CTXN2: variants seen among roughly 807,000 people sequenced by gnomAD.
CTXN2 encodes cortexin-2.
Under a neutral mutation model 5.7 loss-of-function variants are expected in CTXN2, and 3 were observed. The ratio of observed to expected loss-of-function variants is 0.53; its 90% confidence interval spans 0.24 to 1.36. The LOEUF (loss-of-function observed/expected upper bound fraction) is 1.36, where lower values mean the gene tolerates loss of function less well. Ranked by LOEUF, CTXN2 falls within the 40% of genes most tolerant of loss-of-function variation. CTXN2 has a pLI of 0.17. For synonymous variants in CTXN2, 38 were observed against 36.4 expected, an observed-to-expected ratio of 1.04 and a Z score of -0.16; for missense variants, 87 against 93.0, an observed-to-expected ratio of 0.94 and a Z score of 0.26.
Position 48,195,506 on chromosome 15 carries a change from C to T in CTXN2, c.-58+3653C>T, listed in dbSNP as rs186057830. 2.6e-5 allele frequency among the ~76,000 whole-genome samples: 4 copies of T among 152,246 alleles called. No homozygotes were observed. In the South Asian group the frequency reaches 6.2e-4, roughly 24 times the overall value. On this transcript the variant is annotated intron_variant, in intron 1 of 1. Coordinates refer to ENST00000417307, the MANE Select transcript of CTXN2 (RefSeq NM_001145668.2). The stretch of plus-strand genomic sequence containing the variant: ...ATTTGGCTCCAACCTACCTTTCCAA[C>T]GCTTTGTTTCCCATACTCCCCCTTG...
chr15:48,201,602 A>C lies in CTXN2; in HGVS notation c.*56A>C. The C allele has an allele frequency of 6.6e-7, 1 of 1,526,012 alleles. No individual in the cohort carries two copies. Among genetic ancestry groups the C allele is most frequent in the South Asian group, 1.2e-5 (1 of 81,698 alleles). 94.5% of individuals were successfully genotyped at this position (1,526,012 alleles called of 1,614,324 possible). On this transcript the variant is annotated 3_prime_UTR_variant, in exon 2 of 2. Coordinates refer to ENST00000417307, the MANE Select transcript of CTXN2 (RefSeq NM_001145668.2). Reference sequence around the variant, plus strand: ...GCCATCGGGACACATTCTGGATACAATTGTAACTACCTTGAGGGTGTGGGA... The same window carrying C: ...GCCATCGGGACACATTCTGGATACACTTGTAACTACCTTGAGGGTGTGGGA...
intron 1 of CTXN2, among the ~76,000 whole-genome samples, chr15:48,199,633 T>C (rs1028434737): frequency 6.6e-6 from 1 of 152,176 alleles, no homozygotes. Context: ...AAATTAGACA[T>C]TTAGTCAGCA....
chr15:48,194,164 C>T (rs911447077), intron 1 of CTXN2, among the ~76,000 whole-genome samples: 1 of 151,760 alleles, frequency 6.6e-6, no homozygotes, highest in Non-Finnish European at 1.5e-5. Context: ...AATATAAAAG[C>T]CTGTTTTCTC....
At chr15:48,185,652 GT>G (rs2140970363) in intron 1 of CTXN2, among the ~76,000 whole-genome samples, 1 of 152,288 alleles carries the variant, frequency 6.6e-6, no homozygotes, top group Admixed American at 6.5e-5. Flanking sequence ...ATTTGTTTGA[GT>G]TAGGAAAGAA....
In CTXN2 at chr15:48,191,751, C is replaced by T. The variant is rs1757127435; in HGVS notation, c.-160C>T. The T allele has an allele frequency of 2.2e-6, 1 of 455,928 alleles. No homozygotes were observed. Among genetic ancestry groups the T allele is most frequent in the African/African-American group, 2.0e-5 (1 of 50,046 alleles). 28.2% of individuals were successfully genotyped at this position (455,928 alleles called of 1,614,324 possible). ...GTGACTCTACGCAGGTTCCAGAACA[C>T]GCCTTCTACATTTGTTACTGAACCG... On this transcript the variant is annotated 5_prime_UTR_variant, in exon 1 of 2. The change creates a new upstream start codon in the 5' untranslated region. Transcript: ENST00000417307.
chr15:48,191,367 T>G (rs145143453), upstream of CTXN2: 110 of 182,796 alleles, frequency 6.0e-4, no homozygotes, highest in African/African-American at 2.5e-3. Context: ...AAGATAATGA[T>G]GAAATCTAAT....
At chr15:48,199,950 G>C (rs913570213) in intron 1 of CTXN2, among the ~76,000 whole-genome samples, 25 of 152,152 alleles carry the variant, frequency 1.6e-4, no homozygotes, top group African/African-American at 6.0e-4. Context: ...TTTGAGGATA[G>C]AGCTTTTTTG....
At chr15:48,195,816 A>G (rs1457226279) in intron 1 of CTXN2, among the ~76,000 whole-genome samples, 1 of 152,114 alleles carries the variant, frequency 6.6e-6, no homozygotes, top group Non-Finnish European at 1.5e-5. Context: ...AAATATGTAA[A>G]GCAGTATTTG....
intron 1 of CTXN2, among the ~76,000 whole-genome samples, chr15:48,199,881 AC>A (rs2040914010): frequency 6.6e-6 from 1 of 152,214 alleles, no homozygotes; most frequent in Non-Finnish European, 1.5e-5. Context: ...CCTTTACTAA[AC>A]AAAAAAATCA....
upstream of CTXN2, among the ~76,000 whole-genome samples, chr15:48,188,499 TAGTA>T (rs2040781447): frequency 6.6e-6 from 1 of 152,180 alleles, no homozygotes; most frequent in African/African-American, 2.4e-5. Flanking sequence ...ATATAAGAAA[TAGTA>T]AGTTATATGT....
upstream of CTXN2, among the ~76,000 whole-genome samples, chr15:48,190,485 A>T (rs1451370792): frequency 6.6e-6 from 1 of 152,196 alleles, no homozygotes; most frequent in Non-Finnish European, 1.5e-5. Context: ...ACTCTCAGTT[A>T]TACATTGCCC....
chr15:48,191,244 G>C (rs1355813481), upstream of CTXN2, among the ~76,000 whole-genome samples: 30 of 152,186 alleles, frequency 2.0e-4, 1 homozygote, highest in Non-Finnish European at 1.5e-5. Flanking sequence ...TACTGAAAAC[G>C]GCTGTCACCA....
intron 1 of CTXN2, chr15:48,192,496 T>C (rs2040833719): frequency 6.6e-6 from 1 of 152,420 alleles, no homozygotes; most frequent in Non-Finnish European, 1.5e-5. Flanking sequence ...TTCTTAATGA[T>C]TAACTACCTC....
chr15:48,181,502 T>C (rs2040701694), intron 1 of CTXN2, among the ~76,000 whole-genome samples: 1 of 152,250 alleles, frequency 6.6e-6, no homozygotes, highest in Non-Finnish European at 1.5e-5. Flanking sequence ...GGGCTGGGCT[T>C]ACTGCCCAGG....
chr15:48,193,604 A>C (rs1272154412), intron 1 of CTXN2, among the ~76,000 whole-genome samples: 5 of 152,052 alleles, frequency 3.3e-5, no homozygotes, highest in Non-Finnish European at 7.4e-5. Flanking sequence ...TAGGCATTAC[A>C]GTGTCTGTTG....
rs1260001548 is a variant in CTXN2, at chr15:48,201,714, AT to A, written c.*170del. On this transcript the variant is annotated 3_prime_UTR_variant, in exon 2 of 2. Coordinates refer to ENST00000417307, the MANE Select transcript of CTXN2 (RefSeq NM_001145668.2). ...GTGTAAATGATAAACTATTGTTGGG[AT>A]TCCTCACTTTCCTCTGTTCCCACTT... 7 of 710,462 alleles carry A rather than the reference AT, an allele frequency of 9.9e-6. No individual in the cohort carries two copies. Among genetic ancestry groups the A allele is most frequent in the Non-Finnish European group, 1.6e-5 (7 of 426,150 alleles). The allele number at this position is 710,462 out of a possible 1,614,324, so 44.0% of individuals were successfully genotyped here.
upstream of CTXN2, among the ~76,000 whole-genome samples, chr15:48,187,813 C>G (rs1027080789): frequency 1.3e-5 from 2 of 152,112 alleles, no homozygotes; most frequent in African/African-American, 2.4e-5. Flanking sequence ...CTTCCAATCT[C>G]TGAGATAACA....
At chr15:48,198,385 A>G (rs1162644331) in intron 1 of CTXN2, among the ~76,000 whole-genome samples, 1 of 152,178 alleles carries the variant, frequency 6.6e-6, no homozygotes, top group African/African-American at 2.4e-5. Context: ...TATTCTTCAA[A>G]ATATTTAGTT....
In CTXN2 at chr15:48,203,743, A is replaced by G. The variant is rs1004106567; in HGVS notation, c.*2197A>G. The G allele has an allele frequency of 3.0e-5, 5 of 165,952 alleles. No individual in the cohort carries two copies. In the East Asian group the frequency reaches 9.7e-4, roughly 32 times the overall value. 10.3% of individuals were successfully genotyped at this position (165,952 alleles called of 1,614,324 possible). ...TTATTTCCAAATCCACTAAAGAAAA[A>G]TTCTATTAACCAAAAGTGTCTTCAT... is the stretch of plus-strand genomic sequence containing the variant. On this transcript the variant is annotated 3_prime_UTR_variant, in exon 2 of 2. Transcript: ENST00000417307.
Sources: allele counts gnomAD v4.1 joint callset (sites outside exome capture counted in the v4.1 genomes callset), GRCh38; gene constraint gnomAD v4.1.1; transcripts MANE v1.5; gene names NCBI Gene and HGNC (gene_info 2026-07-23, HGNC 2026-07-21).